RNF150: variants seen among roughly 807,000 people sequenced by gnomAD.
The protein encoded by RNF150 is ring finger protein 150.
A neutral mutation model predicts 39.3 loss-of-function variants in RNF150; 24 were observed. That is an observed-to-expected ratio of 0.61 (90% confidence interval 0.44 to 0.86). RNF150 has a LOEUF of 0.86. RNF150 is among the 40% of genes least tolerant of loss of function. The probability of loss-of-function intolerance (pLI) is 0.00; values close to 1 mark genes in which losing one functional copy is unlikely to be tolerated. For synonymous variants in RNF150, 255 were observed against 227.3 expected (o/e 1.12, Z -1.10); for missense variants, 502 against 587.8 (o/e 0.85, Z 1.51).
intron 1 of RNF150, among the ~76,000 whole-genome samples, chr4:141,180,705 C>A (rs1441235658): frequency 1.3e-5 from 2 of 152,126 alleles, no homozygotes; most frequent in Non-Finnish European, 2.9e-5. Context: ...GCAAATCACA[C>A]ATATATATGG....
intron 1 of RNF150, among the ~76,000 whole-genome samples, chr4:141,040,496 T>C (rs1184130455): frequency 5.3e-5 from 8 of 152,218 alleles, no homozygotes; most frequent in African/African-American, 4.8e-5. Flanking sequence ...TTCTCTTTTA[T>C]ATATTTTTTT....
intron 1 of RNF150, among the ~76,000 whole-genome samples, chr4:141,127,331 A>T (rs1288297677): frequency 6.6e-6 from 1 of 152,232 alleles, no homozygotes; most frequent in East Asian, 1.9e-4. Context: ...CAATGTTATT[A>T]TTACCCAGCA....
chr4:141,211,335 A>C (rs1728460773), intron 1 of RNF150, among the ~76,000 whole-genome samples: 3 of 152,212 alleles, frequency 2.0e-5, no homozygotes, highest in African/African-American at 7.2e-5. Flanking sequence ...GGTATTAGAT[A>C]CACCTACGCT....
intron 1 of RNF150, among the ~76,000 whole-genome samples, chr4:141,023,038 T>C (rs2110792884): frequency 6.6e-6 from 1 of 152,214 alleles, no homozygotes; most frequent in Admixed American, 6.5e-5. Flanking sequence ...GTGAAATTCA[T>C]AATTATACAC....
chr4:140,972,238 A>G (rs377234780), intron 1 of RNF150, among the ~76,000 whole-genome samples: 2 of 152,278 alleles, frequency 1.3e-5, no homozygotes, highest in African/African-American at 4.8e-5. Context: ...ATGTGTATGA[A>G]ATTATTTTAA....
In RNF150 at chr4:141,174,054, C is replaced by G. The variant is rs550663182; in HGVS notation, c.-6+38740G>C. Among the ~76,000 whole-genome samples the G allele has an allele frequency of 1.1e-3, 171 of 152,252 alleles. 2 individuals are homozygous for G. The highest frequency in any genetic ancestry group is 4.0e-3 in the African/African-American group (168 of 41,538). ...TTTGGAGATGTTTCTGTGGTAAATT[C>G]TAGTTGACTTCAGTAGTCATTTCCC... On this transcript the variant is annotated intron_variant, in intron 1 of 7. Coordinates refer to the RNF150 transcript ENST00000420921.
At chr4:141,106,543 A>T (rs1392412954) in intron 1 of RNF150, among the ~76,000 whole-genome samples, 1 of 152,182 alleles carries the variant, frequency 6.6e-6, no homozygotes, top group African/African-American at 2.4e-5. Context: ...CTGTAATACC[A>T]GCACTTTGGG....
chr4:140,989,908 G>C (rs895488390), intron 1 of RNF150, among the ~76,000 whole-genome samples: 22 of 151,974 alleles, frequency 1.4e-4, no homozygotes, highest in African/African-American at 4.1e-4. Context: ...TTAAATTCTT[G>C]TTCAGAGAGA....
chr4:141,147,964 C>T (rs1435897664), intron 1 of RNF150, among the ~76,000 whole-genome samples: 1 of 152,146 alleles, frequency 6.6e-6, no homozygotes, highest in Non-Finnish European at 1.5e-5. Context: ...TTCATGTCAT[C>T]CTTTATTCTT....
intron 1 of RNF150, among the ~76,000 whole-genome samples, chr4:141,116,368 G>A (rs1189592467): frequency 3.3e-5 from 5 of 152,120 alleles, no homozygotes; most frequent in African/African-American, 9.6e-5. Flanking sequence ...ACATTTATGC[G>A]GCCAACAAAC....
At chr4:140,883,107 T>G (rs1489700979) in intron 6 of RNF150, among the ~76,000 whole-genome samples, 4 of 152,142 alleles carry the variant, frequency 2.6e-5, no homozygotes, top group Non-Finnish European at 5.9e-5. Context: ...ACATAAAACA[T>G]GTCAGAGTTA....
chr4:140,939,606 TTGTGTGTGTGTGTGTGTGTGTG>T (rs142516967), intron 4 of RNF150, among the ~76,000 whole-genome samples: 28 of 138,586 alleles, frequency 2.0e-4, no homozygotes, highest in African/African-American at 3.5e-4. Context: ...CAAGTGGAGT[TTGTGTGTGTGTGTGTGTGTGTG>T]TGTGTGTGTG....
intron 6 of RNF150, among the ~76,000 whole-genome samples, chr4:140,904,556 C>T (rs1271733762): frequency 6.6e-6 from 1 of 152,222 alleles, no homozygotes; most frequent in Non-Finnish European, 1.5e-5. Flanking sequence ...TCTTGCAACT[C>T]CCTCATCAAT....
At chr4:141,160,303 G>T (rs1201787360) in intron 1 of RNF150, among the ~76,000 whole-genome samples, 1 of 152,240 alleles carries the variant, frequency 6.6e-6, no homozygotes, top group East Asian at 1.9e-4. Flanking sequence ...AAGGAAGTCT[G>T]TAGGAAGGAA....
At chr4:140,992,908 G>T (rs1234715696) in intron 1 of RNF150, among the ~76,000 whole-genome samples, 1 of 152,094 alleles carries the variant, frequency 6.6e-6, no homozygotes, top group Admixed American at 6.5e-5. Flanking sequence ...TCTTCCTTGT[G>T]CTCAGGAGCC....
chr4:140,923,699 T>C (rs1731258292), intron 5 of RNF150, among the ~76,000 whole-genome samples: 1 of 152,090 alleles, frequency 6.6e-6, no homozygotes, highest in Non-Finnish European at 1.5e-5. Context: ...CTATTCACAA[T>C]AGCAAAGATT....
At chr4:140,895,549 T>G (rs1315617816) in intron 6 of RNF150, among the ~76,000 whole-genome samples, 1 of 152,182 alleles carries the variant, frequency 6.6e-6, no homozygotes, top group African/African-American at 2.4e-5. Context: ...CCTACCATTA[T>G]TACCTCCTGC....
chr4:141,026,873 C>T (rs553546589), intron 1 of RNF150, among the ~76,000 whole-genome samples: 9 of 152,232 alleles, frequency 5.9e-5, no homozygotes, highest in South Asian at 2.1e-4. Context: ...TAAGAAGTTG[C>T]GATCTTTCAA....
chr4:141,137,193 G>C (rs1727040893), upstream of RNF150, among the ~76,000 whole-genome samples: 1 of 152,178 alleles, frequency 6.6e-6, no homozygotes. Flanking sequence ...GCAGTCAAAG[G>C]TGTGAACATT....
Sources: gnomAD v4.1 joint callset for allele counts (sites outside exome capture counted in the v4.1 genomes callset) on GRCh38, gnomAD v4.1.1 for gene constraint, MANE v1.5 for transcripts, NCBI Gene and HGNC (gene_info 2026-07-23, HGNC 2026-07-21) for gene names.